GRAMD4: variants seen among roughly 807,000 people sequenced by gnomAD.
GRAMD4 encodes GRAM domain-containing protein 4.
A neutral mutation model predicts 83.9 loss-of-function variants in GRAMD4; 25 were observed. The ratio of observed to expected loss-of-function variants is 0.30; its 90% CI spans 0.22 to 0.42. The LOEUF (loss-of-function observed/expected upper bound fraction) is 0.42. Among genes scored for constraint, GRAMD4 ranks in the 10% least tolerant of loss-of-function variants. The pLI is 1.00. For missense variants in GRAMD4, 593 were observed against 788.7 expected (o/e 0.75, Z 2.97); for synonymous variants, 336 against 320.9 (o/e 1.05, Z -0.50).
intron 6 of GRAMD4, among the ~76,000 whole-genome samples, chr22:46,663,619 C>T (rs978916004): frequency 2.6e-4 from 39 of 152,350 alleles, no homozygotes; most frequent in African/African-American, 8.2e-4. Context: ...ATTGGCGAGT[C>T]GCCCCTGCCT....
intron 1 of GRAMD4, among the ~76,000 whole-genome samples, chr22:46,597,186 C>T (rs1602312150): frequency 6.6e-6 from 1 of 152,082 alleles, no homozygotes; most frequent in East Asian, 1.9e-4. Flanking sequence ...AGGTGTAGGC[C>T]CTGGAGGTGG....
Position 46,678,235 on chromosome 22 carries a change from G to C in GRAMD4, c.*984G>C, listed in dbSNP as rs910348889. 25 of 985,528 alleles carry C rather than the reference G, an allele frequency of 2.5e-5. No homozygotes were observed. The African/African-American group carries it at 4.4e-4, about 17-fold the overall frequency. 61.0% of individuals were successfully genotyped at this position (985,528 alleles called of 1,614,324 possible). The stretch of plus-strand genomic sequence containing the variant: ...TTCCGGGACCATGGTGGCCCAGGCT[G>C]CAGCCGCCTTTGGGCCATCCGAGAG... On this transcript the variant is annotated 3_prime_UTR_variant, in exon 19 of 19. Coordinates refer to ENST00000406902, the MANE Select transcript of GRAMD4 (RefSeq NM_015124.5).
At chr22:46,588,121 C>G (rs1398457763) in intron 1 of GRAMD4, among the ~76,000 whole-genome samples, 2 of 152,050 alleles carry the variant, frequency 1.3e-5, no homozygotes, top group African/African-American at 4.8e-5. Context: ...GTCCCAGAGT[C>G]TCTCTCTAAA....
At chr22:46,660,973 G>T (rs2082318101) in intron 4 of GRAMD4, among the ~76,000 whole-genome samples, 1 of 152,192 alleles carries the variant, frequency 6.6e-6, no homozygotes, top group South Asian at 2.1e-4. Flanking sequence ...TGGGAGCTGG[G>T]TACAGGCTGC....
At chr22:46,647,169 C>G (rs534171773) in intron 3 of GRAMD4, among the ~76,000 whole-genome samples, 12 of 152,118 alleles carry the variant, frequency 7.9e-5, no homozygotes, top group Admixed American at 5.2e-4. Context: ...TAATAAGTGA[C>G]GACTGTGAGT....
In GRAMD4 at chr22:46,673,765, C is replaced by T; in HGVS notation, c.1335C>T (p.Gly445=). 6.2e-7 allele frequency: 1 copy of T among 1,613,066 alleles called. No homozygotes were observed. Among genetic ancestry groups the T allele is most frequent in the Non-Finnish European group, 8.5e-7 (1 of 1,179,936 alleles). Reference sequence around the variant, plus strand: ...GTCGCTTCCACAGCACCAAGAAGGGCAATTTCCACGAGATCTTCAATCTGA... The same window carrying T: ...GTCGCTTCCACAGCACCAAGAAGGGTAATTTCCACGAGATCTTCAATCTGA... The part of the protein sequence containing the change: ...DAGRFHSTKK[G]NFHEIFNLTE... Residue 445 remains glycine, a synonymous_variant, in exon 15 of 19, where the codon GGC becomes GGT. Transcript: ENST00000406902.
At chr22:46,589,359 A>C (rs1602298629) in intron 1 of GRAMD4, among the ~76,000 whole-genome samples, 1 of 32,014 alleles carries the variant, frequency 3.1e-5, no homozygotes, top group Admixed American at 4.8e-4. Flanking sequence ...TATGTGGGGG[A>C]GTCCTGGGTG....
intron 2 of GRAMD4, among the ~76,000 whole-genome samples, chr22:46,635,791 TGCCCCCCACCCCCCCG>T (rs2081876172): frequency 2.6e-5 from 1 of 38,584 alleles, no homozygotes; most frequent in South Asian, 1.3e-3. Flanking sequence ...GTGTCCTCCC[TGCCCCCCACCCCCCCG>T]GCCACTGGAT....
chr22:46,612,836 C>G (rs1175111662), intron 1 of GRAMD4, among the ~76,000 whole-genome samples: 1 of 152,236 alleles, frequency 6.6e-6, no homozygotes, highest in Non-Finnish European at 1.5e-5. Context: ...CTGCGCCTTC[C>G]CTGACGCGGT....
At chr22:46,579,766 G>A (rs146353335) in intron 1 of GRAMD4, among the ~76,000 whole-genome samples, 1 of 152,218 alleles carries the variant, frequency 6.6e-6, no homozygotes, top group African/African-American at 2.4e-5. Context: ...TGGCATTGGG[G>A]TTCCAGTCCT....
intron 1 of GRAMD4, among the ~76,000 whole-genome samples, chr22:46,624,322 T>C (rs1481204894): frequency 7.0e-6 from 1 of 142,740 alleles, no homozygotes; most frequent in African/African-American, 2.7e-5. Context: ...AGTTCCCTCT[T>C]CCTTTTTTTT....
At chr22:46,632,485 G>A (rs1243766890) in intron 2 of GRAMD4, among the ~76,000 whole-genome samples, 1 of 152,228 alleles carries the variant, frequency 6.6e-6, no homozygotes. Flanking sequence ...TATAGTGACA[G>A]CGCCACAGCC....
intron 1 of GRAMD4, among the ~76,000 whole-genome samples, chr22:46,587,253 T>A (rs1051276779): frequency 6.6e-5 from 10 of 151,852 alleles, no homozygotes; most frequent in African/African-American, 2.4e-4. Context: ...GGCTCCGGAG[T>A]AGAAGGTGAC....
chr22:46,588,029 G>T (rs1028218785), intron 1 of GRAMD4: 2 of 829,700 alleles, frequency 2.4e-6, no homozygotes, highest in East Asian at 2.5e-4. Flanking sequence ...TGTCTACTTG[G>T]CTCTAGATGT....
At chr22:46,648,803 CATGG>C (rs34423766) in intron 3 of GRAMD4, among the ~76,000 whole-genome samples, 473 of 27,222 alleles carry the variant, frequency 0.017, 28 homozygotes, top group Middle Eastern at 0.022. Flanking sequence ...TGGATGGATG[CATGG>C]ATGGATGGAT....
chr22:46,578,931 G>A (rs1478518215), intron 1 of GRAMD4, among the ~76,000 whole-genome samples: 1 of 152,238 alleles, frequency 6.6e-6, no homozygotes. Flanking sequence ...ATGCAGCTTG[G>A]TCCTGGAGCC....
At chr22:46,584,140 C>T (rs2081124546) in intron 1 of GRAMD4, among the ~76,000 whole-genome samples, 1 of 152,094 alleles carries the variant, frequency 6.6e-6, no homozygotes, top group South Asian at 2.1e-4. Context: ...GTGAGTCCTT[C>T]CTCACTTTCT....
chr22:46,658,323 C>A lies in GRAMD4; in HGVS notation c.404+16C>A. 6.3e-7 allele frequency: 1 copy of A among 1,591,396 alleles called. No individual in the cohort carries two copies. The highest frequency in any genetic ancestry group is 2.3e-5 in the East Asian group (1 of 43,788). On this transcript the variant is annotated intron_variant, in intron 4 of 18. Transcript: ENST00000406902. The stretch of plus-strand genomic sequence containing the variant: ...TGAAGGCCAGGTACCGCGCCTTCCT[C>A]GGGGCCCTGGCCTGTGTGCGGCTGC...
chr22:46,592,920 A>C (rs182116377), intron 1 of GRAMD4, among the ~76,000 whole-genome samples: 1 of 152,196 alleles, frequency 6.6e-6, no homozygotes, highest in Non-Finnish European at 1.5e-5. Flanking sequence ...ACTTACATGA[A>C]TATTTTGTCC....
Sources: gnomAD v4.1 joint callset for allele counts (sites outside exome capture counted in the v4.1 genomes callset) on GRCh38, gnomAD v4.1.1 for gene constraint, MANE v1.5 for transcripts, NCBI Gene and HGNC (gene_info 2026-07-23, HGNC 2026-07-21) for gene names.